RERE: variants seen among roughly 807,000 people sequenced by gnomAD.
RERE encodes the protein arginine-glutamic acid dipeptide repeats protein.
In RERE, 40 loss-of-function variants were observed where a neutral mutation model predicts 146.1. That is an observed-to-expected ratio of 0.27 (90% CI 0.21 to 0.36). The LOEUF (loss-of-function observed/expected upper bound fraction) is 0.36, where lower values mean the gene tolerates loss of function less well. Ranked by LOEUF, RERE falls within the 10% of genes least tolerant of loss-of-function variation. RERE has a pLI of 1.00. For missense variants in RERE, 1,933 were observed against 2,138.7 expected, an observed-to-expected ratio of 0.90 and a Z score of 1.90; for synonymous variants, 1,003 against 866.0, an observed-to-expected ratio of 1.16 and a Z score of -2.78.
chr1:8,658,430 A>C (rs1479746729), intron 1 of RERE, among the ~76,000 whole-genome samples: 1 of 152,338 alleles, frequency 6.6e-6, no homozygotes, highest in East Asian at 1.9e-4. Flanking sequence ...CAAACAAATC[A>C]GTTTGCAGTT....
chr1:8,589,417 G>A (rs1447134681), intron 4 of RERE, among the ~76,000 whole-genome samples: 1 of 152,202 alleles, frequency 6.6e-6, no homozygotes, highest in Non-Finnish European at 1.5e-5. Context: ...TCCAGCATGG[G>A]AAACTGAGTG....
intron 1 of RERE, among the ~76,000 whole-genome samples, chr1:8,672,133 T>A (rs1432011457): frequency 6.6e-6 from 1 of 152,024 alleles, no homozygotes; most frequent in African/African-American, 2.4e-5. Context: ...AAATAATAAT[T>A]TTTAAAAAGA....
At chr1:8,427,103 G>T (rs1253113080) in intron 11 of RERE, among the ~76,000 whole-genome samples, 1 of 152,072 alleles carries the variant, frequency 6.6e-6, no homozygotes, top group Non-Finnish European at 1.5e-5. Context: ...CAATCCTCCC[G>T]CTTTGACCTC....
At chr1:8,548,769 G>A (rs1645897956) in intron 6 of RERE, among the ~76,000 whole-genome samples, 1 of 152,120 alleles carries the variant, frequency 6.6e-6, no homozygotes, top group Admixed American at 6.5e-5. Context: ...TGGATCCGGA[G>A]GTCAGGAGCT....
chr1:8,388,474 C>T (rs932077186), intron 12 of RERE, among the ~76,000 whole-genome samples: 33 of 152,294 alleles, frequency 2.2e-4, no homozygotes, highest in African/African-American at 6.7e-4. Context: ...CGCCCGCCAC[C>T]GCGCCCGGCT....
rs369646175 is a variant in RERE, at chr1:8,759,838, TACACAC to T, written c.-145+57316_-145+57321del. 9.6e-3 allele frequency among the ~76,000 whole-genome samples: 1,360 copies of T among 142,302 alleles called. 24 individuals are homozygous for T. Among genetic ancestry groups the T allele is most frequent in the African/African-American group, 0.033 (1,261 of 38,676 alleles). The allele number at this position is 142,302 out of a possible 152,430, so 93.4% of individuals were successfully genotyped here. On this transcript the variant is annotated intron_variant, in intron 1 of 22. Transcript: ENST00000400908. ...TAACTCTAAATTCTTACTCTCTCTATACACACACACACACACACACACACACACACA... is the reference window on the plus strand; with the variant it reads ...TAACTCTAAATTCTTACTCTCTCTATACACACACACACACACACACACACA...
In RERE at chr1:8,364,102, C is replaced by A. The variant is rs756256720; in HGVS notation, c.1694G>T (p.Gly565Val). 6.2e-7 allele frequency: 1 copy of A among 1,614,216 alleles called. No individual in the cohort carries two copies. Among genetic ancestry groups the A allele is most frequent in the Non-Finnish European group, 8.5e-7 (1 of 1,180,044 alleles). ...CCTCATGCTATGCTTCCCACTGAGC[C>A]CATCATCCTCTTCCTTGACGGGTTT... Reference protein sequence around the residue: ...MFKPVKEEDDGLSGKHSMRTR... With the variant: ...MFKPVKEEDDVLSGKHSMRTR... The change falls in exon 15 of 23, where the codon GGG (glycine) becomes GTG (valine). Residue 565 changes from glycine (G) to valine (V), a missense_variant. By Grantham distance (109) the Gly-to-Val change is moderately radical. Coordinates refer to ENST00000400908, the MANE Select transcript of RERE (RefSeq NM_001042681.2). This position sits in a 1 kb window ranked among gnomAD's most constrained non-coding sequence, Gnocchi z 5.1.
At chr1:8,717,367 T>C (rs541618856) in intron 1 of RERE, among the ~76,000 whole-genome samples, 3 of 152,372 alleles carry the variant, frequency 2.0e-5, no homozygotes, top group African/African-American at 4.8e-5. Flanking sequence ...TTGAGAATAC[T>C]GAATTTTAAT....
At chr1:8,635,470 G>C (rs990132881) in intron 2 of RERE, among the ~76,000 whole-genome samples, 1 of 152,156 alleles carries the variant, frequency 6.6e-6, no homozygotes, top group African/African-American at 2.4e-5. Flanking sequence ...GCCCTAAGAG[G>C]CTCTGGATGC....
At chr1:8,462,465 C>G (rs563775260) in intron 11 of RERE, among the ~76,000 whole-genome samples, 1 of 152,194 alleles carries the variant, frequency 6.6e-6, no homozygotes, top group African/African-American at 2.4e-5. Flanking sequence ...GGCCAGGAAC[C>G]GAGCTGAGAC....
intron 1 of RERE, among the ~76,000 whole-genome samples, chr1:8,778,527 G>T (rs1249495221): frequency 2.0e-5 from 3 of 152,204 alleles, no homozygotes; most frequent in African/African-American, 7.2e-5. Context: ...TTAAAGGAAA[G>T]CTCATTCTGA....
intron 1 of RERE, among the ~76,000 whole-genome samples, chr1:8,660,264 G>A (rs1185420041): frequency 6.6e-6 from 1 of 152,042 alleles, no homozygotes; most frequent in African/African-American, 2.4e-5. Context: ...CTGCGCCTTA[G>A]TGTACAGTGA....
chr1:8,354,712 C>A lies in RERE; in HGVS notation c.*375G>T. The stretch of plus-strand genomic sequence containing the variant: ...CTCGTGGGCTCTGGAGCACTCGTGG[C>A]GGAGTGTGTCAGTGTGTCTGCACGC... On this transcript the variant is annotated 3_prime_UTR_variant, in exon 23 of 23. Transcript: ENST00000400908. 5.1e-6 allele frequency: 1 copy of A among 194,778 alleles called. No homozygotes were observed. The highest frequency in any genetic ancestry group is 1.0e-5 in the Non-Finnish European group (1 of 96,826). 12.1% of individuals were successfully genotyped at this position (194,778 alleles called of 1,614,324 possible). A position where few individuals can be genotyped will look rare whatever the true frequency, so the allele number is the denominator to read the frequency against.
At chr1:8,670,249 G>A (rs1232455617) in intron 1 of RERE, among the ~76,000 whole-genome samples, 1 of 152,158 alleles carries the variant, frequency 6.6e-6, no homozygotes, top group Non-Finnish European at 1.5e-5. Context: ...AACTAACCAG[G>A]GAGGGCAGGA....
At chr1:8,537,484 G>A (rs947379159) in intron 7 of RERE, among the ~76,000 whole-genome samples, 2 of 152,116 alleles carry the variant, frequency 1.3e-5, no homozygotes, top group South Asian at 4.1e-4. Flanking sequence ...GTTCAGGTTA[G>A]GTTCAGCCAT....
chr1:8,536,529 T>C (rs1452024937), intron 7 of RERE, among the ~76,000 whole-genome samples: 1 of 152,234 alleles, frequency 6.6e-6, no homozygotes, highest in Non-Finnish European at 1.5e-5. Flanking sequence ...CCACCGACGC[T>C]GGTGTTTTAG....
intron 7 of RERE, among the ~76,000 whole-genome samples, chr1:8,534,807 G>A (rs554969302): frequency 1.3e-5 from 2 of 152,284 alleles, no homozygotes; most frequent in South Asian, 2.1e-4. Flanking sequence ...CAGACATCAC[G>A]TCCAGCAACT....
intron 1 of RERE, among the ~76,000 whole-genome samples, chr1:8,674,160 A>G (rs1202864969): frequency 2.0e-5 from 3 of 152,196 alleles, no homozygotes; most frequent in Non-Finnish European, 2.9e-5. Context: ...GTAAAATGCA[A>G]GCTTTCATTA....
At chr1:8,747,265 T>C (rs921960904) in intron 1 of RERE, among the ~76,000 whole-genome samples, 1 of 152,118 alleles carries the variant, frequency 6.6e-6, no homozygotes, top group African/African-American at 2.4e-5. Context: ...CCTCCCAAAG[T>C]GCTGGGATTA....
Sources: allele counts gnomAD v4.1 joint callset (sites outside exome capture counted in the v4.1 genomes callset), GRCh38; gene constraint gnomAD v4.1.1; non-coding constraint Gnocchi (gnomAD v3.1); transcripts MANE v1.5; gene names NCBI Gene and HGNC (gene_info 2026-07-23, HGNC 2026-07-21).